The following SVEP1 variants were observed in gnomAD, a reference collection of about 807,000 sequenced individuals.
The protein encoded by SVEP1 is sushi, von Willebrand factor type A, EGF and pentraxin domain-containing protein 1.
Under a neutral mutation model 367.3 loss-of-function variants are expected in SVEP1, and 164 were observed. The observed-to-expected ratio is 0.45, with a 90% CI of 0.39 to 0.51. SVEP1 has a LOEUF of 0.51. Ranked by LOEUF, SVEP1 falls within the 20% of genes least tolerant of loss-of-function variation. The probability of loss-of-function intolerance (pLI) is 0.00; values close to 1 mark genes in which losing one functional copy is unlikely to be tolerated. For synonymous variants in SVEP1, 1,666 were observed against 1,611.6 expected (o/e 1.03, Z -0.81); for missense variants, 4,117 against 4,425.3 (o/e 0.93, Z 1.98).
At position 110,549,838 on chromosome 9, in the gene SVEP1, G is replaced by A. The variant is rs1237041375; in HGVS notation, c.787+11C>T. On this transcript the variant is annotated intron_variant, in intron 2 of 47. Transcript: ENST00000374469. ...AAAAGTACCTTTGTGATGCCATTAG[G>A]TTTCCATTACCTTCATGCAATGCCC... is the stretch of plus-strand genomic sequence containing the variant. The A allele has an allele frequency of 1.2e-6, 2 of 1,612,842 alleles. No homozygotes were observed. The highest frequency in any genetic ancestry group is 3.3e-4 in the Middle Eastern group (2 of 6,062).
intron 43 of SVEP1, among the ~76,000 whole-genome samples, chr9:110,383,012 AG>A (rs1827461721): frequency 6.6e-6 from 1 of 152,120 alleles, no homozygotes; most frequent in African/African-American, 2.4e-5. Context: ...ATGTTCCTTT[AG>A]CTCAGCGAAC....
At chr9:110,529,451 C>A (rs1461706391) in intron 3 of SVEP1, among the ~76,000 whole-genome samples, 1 of 152,088 alleles carries the variant, frequency 6.6e-6, no homozygotes, top group Admixed American at 6.6e-5. Context: ...TTACATTGAG[C>A]AATATGGTCA....
At chr9:110,427,818 A>G (rs1828278648) in intron 35 of SVEP1, 60 bp from the exon 36 acceptor site, 1 of 1,527,376 alleles carries the variant, frequency 6.5e-7, no homozygotes, top group South Asian at 1.3e-5. Context: ...ATGGAGATAA[A>G]ACAGGAAGAA....
intron 3 of SVEP1, among the ~76,000 whole-genome samples, chr9:110,535,456 G>A (rs367965315): frequency 8.6e-5 from 13 of 151,904 alleles, no homozygotes; most frequent in Non-Finnish European, 1.6e-4. Flanking sequence ...AACATGATGC[G>A]TCCACCTTTT....
Position 110,450,532 on chromosome 9 carries a change from C to T in SVEP1, c.3902-272G>A, listed in dbSNP as rs564901931. Among the ~76,000 whole-genome samples, 25 of 140,610 alleles carry T rather than the reference C, an allele frequency of 1.8e-4. No homozygotes were observed. The South Asian group carries it at 4.6e-3, about 26-fold the overall frequency. 92.2% of individuals were successfully genotyped at this position (140,610 alleles called of 152,430 possible). A position where few individuals can be genotyped will look rare whatever the true frequency, so the allele number is the denominator to read the frequency against. On this transcript the variant is annotated intron_variant, in intron 23 of 47. Transcript: ENST00000374469. Reference sequence around the variant, plus strand: ...TCTCCCAGTCTGGAGTACAGTGGCGCGATCTCGGCTCACTGCAACTTTCAC... The same window carrying T: ...TCTCCCAGTCTGGAGTACAGTGGCGTGATCTCGGCTCACTGCAACTTTCAC...
At chr9:110,464,911 G>C (rs750086471) in intron 18 of SVEP1, among the ~76,000 whole-genome samples, 1 of 150,870 alleles carries the variant, frequency 6.6e-6, no homozygotes, top group Non-Finnish European at 1.5e-5. Flanking sequence ...GGCTGACCTT[G>C]ACTGTCAGTC....
chr9:110,518,825 AC>A (rs1350240173), intron 3 of SVEP1, among the ~76,000 whole-genome samples: 3 of 151,960 alleles, frequency 2.0e-5, no homozygotes, highest in Non-Finnish European at 2.9e-5. Context: ...CCTTACCTCT[AC>A]CCTTCAATCC....
chr9:110,445,881 A>C lies in SVEP1; in HGVS notation c.4419T>G (p.Val1473=), dbSNP rs1828586526. The change falls in exon 26 of 48, where the codon GTT becomes GTG. Residue 1473 remains valine, a synonymous_variant. Coordinates refer to ENST00000374469, the MANE Select transcript of SVEP1 (RefSeq NM_153366.4). ...MNYGTPISYA[V]DNGSDNTLLL... ...GCAAGGTATTGTCGCTGCCGTTATC[A>C]ACTGCATAGGAGATTGGTGTTCCAT... 6.2e-7 allele frequency: 1 copy of C among 1,613,832 alleles called. No homozygotes were observed. The highest frequency in any genetic ancestry group is 1.1e-5 in the South Asian group (1 of 91,086).
intron 6 of SVEP1, among the ~76,000 whole-genome samples, chr9:110,499,647 T>C (rs1327940187): frequency 2.0e-5 from 3 of 152,226 alleles, no homozygotes; most frequent in Non-Finnish European, 4.4e-5. Flanking sequence ...TTGGTGCTAT[T>C]TTTAAGCAAG....
intron 47 of SVEP1, among the ~76,000 whole-genome samples, chr9:110,369,091 T>C (rs1827240220): frequency 6.6e-6 from 1 of 152,166 alleles, no homozygotes; most frequent in Admixed American, 6.6e-5. Flanking sequence ...CAAATCTAAG[T>C]GCAGTGATAT....
chr9:110,578,794 C>A (rs1435091877), intron 1 of SVEP1, among the ~76,000 whole-genome samples: 2 of 152,162 alleles, frequency 1.3e-5, no homozygotes, highest in African/African-American at 4.8e-5. Flanking sequence ...ATCTAAGGAG[C>A]CTGACATCCC....
chr9:110,481,017 C>A (rs1445213201), intron 12 of SVEP1, among the ~76,000 whole-genome samples: 1 of 152,148 alleles, frequency 6.6e-6, no homozygotes, highest in African/African-American at 2.4e-5. Context: ...TCAGATGGTT[C>A]TGCCTTAAAC....
chr9:110,457,898 G>A (rs912155825), intron 20 of SVEP1, among the ~76,000 whole-genome samples: 5 of 152,122 alleles, frequency 3.3e-5, no homozygotes, highest in African/African-American at 1.2e-4. Flanking sequence ...TAAAAGGCAA[G>A]GAATTCATGA....
At position 110,459,057 on chromosome 9, in the gene SVEP1, G is replaced by T; in HGVS notation, c.3379C>A (p.Pro1127Thr). The T allele has an allele frequency of 6.2e-7, 1 of 1,613,822 alleles. No individual in the cohort carries two copies. The highest frequency in any genetic ancestry group is 8.5e-7 in the Non-Finnish European group (1 of 1,179,758). ...GCATTAGGTTGGTAATAGTCACGAG[G>T]ACATGGGTGACAGGGCATTAACCCA... ...RSGLMPCHPC[P>T]RDYYQPNAGK... is the part of the protein sequence containing the mutation. Residue 1127 changes from proline (P) to threonine (T), a missense_variant, in exon 19 of 48, where the codon CCT becomes ACT. By Grantham distance (38) the Pro-to-Thr change is conservative. This residue lies in a region of SVEP1 where 2,174 missense variants were observed against 2,494.3 expected (regional missense o/e 0.87). Coordinates refer to ENST00000374469, the MANE Select transcript of SVEP1 (RefSeq NM_153366.4).
intron 22 of SVEP1, among the ~76,000 whole-genome samples, chr9:110,453,655 G>A (rs1828733150): frequency 6.6e-6 from 1 of 152,004 alleles, no homozygotes. Context: ...ATCACTTGAG[G>A]TCAGGAGTTC....
chr9:110,406,235 C>A lies in SVEP1; in HGVS notation c.9365G>T (p.Cys3122Phe). The A allele has an allele frequency of 6.2e-7, 1 of 1,612,736 alleles. No homozygotes were observed. Among genetic ancestry groups the A allele is most frequent in the Non-Finnish European group, 8.5e-7 (1 of 1,179,212 alleles). ...ATTGGCGACAGACGGTGGGGACCCA[C>A]AGGACAAGGGCTCACAGACTGGATA... is the stretch of plus-strand genomic sequence containing the variant. ...QPYPVCEPLSCGSPPSVANAV... is the reference protein window; with the variant it reads ...QPYPVCEPLSFGSPPSVANAV... Residue 3122 changes from cysteine to phenylalanine, a missense_variant, in exon 38 of 48, where the codon TGT becomes TTT. Around this residue, in one of 4 missense-constraint regions of SVEP1, gnomAD observed 1,765 missense variants for 1,781.1 expected, o/e 0.99. Transcript: ENST00000374469.
rs1024225070 is a variant in SVEP1, at chr9:110,400,911, A to T, written c.9765T>A (p.Ser3255Arg). The part of the protein sequence containing the change: ...ESPEHGFVVG[S>R]KYTFESTIIY... ...TAATTGTGCTTTCAAAGGTGTATTT[A>T]CTGCCAACCACAAATCCATGTTCTG... is the stretch of plus-strand genomic sequence containing the variant. The change falls in exon 40 of 48, where the codon AGT (serine) becomes AGA (arginine). Residue 3255 changes from serine to arginine, a missense_variant. Around this residue, in one of 4 missense-constraint regions of SVEP1, gnomAD observed 1,765 missense variants for 1,781.1 expected, o/e 0.99. Coordinates refer to ENST00000374469, the MANE Select transcript of SVEP1 (RefSeq NM_153366.4). 14 of 1,613,826 alleles carry T rather than the reference A, an allele frequency of 8.7e-6. No homozygotes were observed. The African/African-American group carries it at 1.9e-4, about 22-fold the overall frequency.
chr9:110,414,072 GTC>G (rs1828083149), intron 36 of SVEP1, among the ~76,000 whole-genome samples: 1 of 151,964 alleles, frequency 6.6e-6, no homozygotes, highest in South Asian at 2.1e-4. Context: ...ACTGCTCTCT[GTC>G]TCTCTGTTTT....
At position 110,408,048 on chromosome 9, in the gene SVEP1, G is replaced by A. The variant is rs1394691614; in HGVS notation, c.7552C>T (p.Gln2518Ter). 1 of 1,613,850 alleles carries A rather than the reference G, an allele frequency of 6.2e-7. No individual in the cohort carries two copies. Among genetic ancestry groups the A allele is most frequent in the East Asian group, 2.2e-5 (1 of 44,892 alleles). Residue 2518 changes from glutamine to a stop codon, truncating the protein, a stop_gained, in exon 38 of 48, where the codon CAG becomes TAG. Coordinates refer to ENST00000374469, the MANE Select transcript of SVEP1 (RefSeq NM_153366.4). LOFTEE classifies it high-confidence loss of function. ...KFSYTDLHYG[Q>*]TVTYSCNRGF... ...CGGTTGCAAGAGTAGGTAACGGTCTGTCCATAGTGTAGGTCCGTGTAAGAG... is the reference window on the plus strand; with the variant it reads ...CGGTTGCAAGAGTAGGTAACGGTCTATCCATAGTGTAGGTCCGTGTAAGAG...
Sources: gnomAD v4.1 joint callset for allele counts (sites outside exome capture counted in the v4.1 genomes callset) on GRCh38, gnomAD v4.1.1 for gene constraint, gnomAD v4.1.1 regional missense constraint, MANE v1.5 for transcripts, NCBI Gene and HGNC (gene_info 2026-07-23, HGNC 2026-07-21) for gene names.